The following DNER variants were observed in gnomAD, a reference collection of about 807,000 sequenced individuals.
DNER encodes the protein delta/notch like EGF repeat containing.
In DNER, 33 loss-of-function variants were observed where a neutral mutation model predicts 78.2. The ratio of observed to expected loss-of-function variants is 0.42; its 90% CI spans 0.32 to 0.56. The LOEUF (loss-of-function observed/expected upper bound fraction) is 0.56. DNER is among the 20% of genes least tolerant of loss of function. The probability of loss-of-function intolerance (pLI) is 0.11; values close to 1 mark genes in which losing one functional copy is unlikely to be tolerated. For missense variants in DNER, 918 were observed against 975.3 expected (o/e 0.94, Z 0.78); for synonymous variants, 417 against 384.8 (o/e 1.08, Z -0.98).
intron 1 of DNER, among the ~76,000 whole-genome samples, chr2:229,618,486 T>C (rs927938346): frequency 2.6e-5 from 4 of 152,214 alleles, no homozygotes; most frequent in Non-Finnish European, 5.9e-5. Flanking sequence ...CATGTCTTCA[T>C]GAAGGCCTAT....
At chr2:229,469,817 C>T (rs1200685969) in intron 7 of DNER, among the ~76,000 whole-genome samples, 3 of 152,136 alleles carry the variant, frequency 2.0e-5, no homozygotes, top group Non-Finnish European at 4.4e-5. Flanking sequence ...GTGGTGGGTG[C>T]CTGTAATCCC....
chr2:229,656,838 C>CT (rs1195551656), intron 1 of DNER, among the ~76,000 whole-genome samples: 1 of 152,044 alleles, frequency 6.6e-6, no homozygotes, highest in African/African-American at 2.4e-5. Flanking sequence ...TGATTTTTCT[C>CT]TTTTTTTCTG....
At chr2:229,361,816 G>A (rs1304615807) in intron 12 of DNER, among the ~76,000 whole-genome samples, 1 of 149,508 alleles carries the variant, frequency 6.7e-6, no homozygotes, top group African/African-American at 2.5e-5. Context: ...TCGATAGTCT[G>A]TGTAATGTTT....
At chr2:229,574,084 T>A (rs1477686703) in intron 4 of DNER, among the ~76,000 whole-genome samples, 7 of 152,198 alleles carry the variant, frequency 4.6e-5, no homozygotes, top group Admixed American at 4.6e-4. Flanking sequence ...GAATGCCACC[T>A]GAAGGTTGAT....
At position 229,630,079 on chromosome 2, in the gene DNER, G is replaced by A. The variant is rs146010155; in HGVS notation, c.277-38191C>T. On this transcript the variant is annotated intron_variant, in intron 1 of 12. Transcript: ENST00000341772. ...CAGTTTATCTATCTTCTATTTTAAT[G>A]GATAATTACATAAAAAGCATGTTAA... is the stretch of plus-strand genomic sequence containing the variant. Among the ~76,000 whole-genome samples, 731 of 152,152 alleles carry A rather than the reference G, an allele frequency of 4.8e-3. 4 individuals carry two copies. The highest frequency in any genetic ancestry group is 0.017 in the African/African-American group (695 of 41,530).
chr2:229,498,854 T>A (rs1437828491), intron 6 of DNER, among the ~76,000 whole-genome samples: 2 of 152,176 alleles, frequency 1.3e-5, no homozygotes, highest in African/African-American at 4.8e-5. Flanking sequence ...ATCTACAGAT[T>A]CAATGAAATT....
intron 8 of DNER, among the ~76,000 whole-genome samples, chr2:229,430,438 C>T (rs2106354744): frequency 6.6e-6 from 1 of 152,238 alleles, no homozygotes; most frequent in East Asian, 1.9e-4. Context: ...CAGATCCACC[C>T]TTAATCTGAG....
At chr2:229,694,490 G>A (rs1255049843) in intron 1 of DNER, among the ~76,000 whole-genome samples, 2 of 152,140 alleles carry the variant, frequency 1.3e-5, no homozygotes, top group East Asian at 3.9e-4. Flanking sequence ...ACAGAAGAGG[G>A]GGCTATACCC....
intron 1 of DNER, among the ~76,000 whole-genome samples, chr2:229,671,450 CCTTT>C (rs2154216838): frequency 6.6e-6 from 1 of 152,320 alleles, no homozygotes; most frequent in South Asian, 2.1e-4. Context: ...GTCATCACTT[CCTTT>C]AATTGTCCGC....
chr2:229,594,616 A>C (rs140858339), intron 1 of DNER, among the ~76,000 whole-genome samples: 1,905 of 64,132 alleles, frequency 0.03, 52 homozygotes, highest in African/African-American at 0.072. Flanking sequence ...AACAAACAAA[A>C]AAAAAAACAG....
chr2:229,640,927 TGA>T (rs1698609950), intron 1 of DNER, among the ~76,000 whole-genome samples: 1 of 152,180 alleles, frequency 6.6e-6, no homozygotes, highest in Admixed American at 6.5e-5. Context: ...GTGAGGGAGC[TGA>T]GAGTATGGGC....
intron 8 of DNER, among the ~76,000 whole-genome samples, chr2:229,445,698 G>A (rs1371071911): frequency 1.3e-5 from 2 of 152,172 alleles, no homozygotes; most frequent in Admixed American, 1.3e-4. Context: ...TTTCCAGCCT[G>A]CCAGCTTCCC....
intron 8 of DNER, among the ~76,000 whole-genome samples, chr2:229,432,690 G>C (rs989383176): frequency 6.6e-6 from 1 of 152,128 alleles, no homozygotes; most frequent in African/African-American, 2.4e-5. Context: ...AGAAATGCGT[G>C]TTCTCAGGTC....
chr2:229,510,130 G>T (rs115436601), intron 6 of DNER, among the ~76,000 whole-genome samples: 1 of 127,398 alleles, frequency 7.8e-6, no homozygotes. Flanking sequence ...CTATTACAGA[G>T]GCAAAAGGTA....
intron 6 of DNER, among the ~76,000 whole-genome samples, chr2:229,502,675 T>C (rs1025638893): frequency 1.3e-5 from 2 of 152,212 alleles, no homozygotes; most frequent in East Asian, 1.9e-4. Flanking sequence ...TGGATTTGGA[T>C]GGTTATCATT....
At chr2:229,388,240 G>A in intron 11 of DNER, 25 bp downstream of exon 11, 1 of 1,594,960 alleles carries the variant, frequency 6.3e-7, no homozygotes. Context: ...TTAAATAACA[G>A]TGGCTGAGCT....
chr2:229,520,442 G>A (rs960560281), intron 5 of DNER, among the ~76,000 whole-genome samples: 5 of 152,118 alleles, frequency 3.3e-5, no homozygotes, highest in African/African-American at 9.7e-5. Flanking sequence ...TCCATCGTGA[G>A]CCAGCCTAAT....
chr2:229,515,635 C>CTTTTTTTTT (rs1409850665), intron 5 of DNER, among the ~76,000 whole-genome samples: 4 of 123,250 alleles, frequency 3.2e-5, no homozygotes, highest in Non-Finnish European at 5.1e-5. Context: ...TTCAAGTTAG[C>CTTTTTTTTT]TTTATTTTTT....
intron 1 of DNER, among the ~76,000 whole-genome samples, chr2:229,669,207 G>A (rs2154216766): frequency 6.6e-6 from 1 of 152,070 alleles, no homozygotes; most frequent in South Asian, 2.1e-4. Flanking sequence ...CACATACCGG[G>A]GCCTGTTGTG....
Sources: gnomAD v4.1 joint callset for allele counts (sites outside exome capture counted in the v4.1 genomes callset) on GRCh38, gnomAD v4.1.1 for gene constraint, MANE v1.5 for transcripts, NCBI Gene and HGNC (gene_info 2026-07-23, HGNC 2026-07-21) for gene names.